Variants in LPIN3 observed in about 807,000 individuals in gnomAD.
The protein encoded by LPIN3 is phosphatidate phosphatase LPIN3.
Under a neutral mutation model 94.7 loss-of-function variants are expected in LPIN3, and 82 were observed. The ratio of observed to expected loss-of-function variants is 0.87; its 90% CI spans 0.72 to 1.04. LPIN3 has a LOEUF of 1.04. Among genes scored for constraint, LPIN3 ranks in the 50% least tolerant of loss-of-function variants. The pLI, the probability that LPIN3 is intolerant of heterozygous loss-of-function variation, is 0.00. For missense variants in LPIN3, 996 were observed against 1,090.5 expected, an observed-to-expected ratio of 0.91 and a Z score of 1.22; for synonymous variants, 418 against 443.3, an observed-to-expected ratio of 0.94 and a Z score of 0.72.
Position 41,358,238 on chromosome 20 carries a change from G to T in LPIN3, c.2194G>T (p.Glu732Ter). ...PSSLFSALHR[E>*]VIEKKPEVFK... ...CTGCTGTGGTTCTGGCCACCCCAGA[G>T]AGGTGATCGAGAAGAAACCAGAGGT... The change falls in exon 18 of 20, where the codon GAG becomes TAG. Residue 732 changes from glutamate to a stop codon, truncating the protein, a stop_gained and splice_region_variant. Transcript: ENST00000373257. LOFTEE classifies it high-confidence loss of function. 1.2e-6 allele frequency: 2 copies of T among 1,613,674 alleles called. No homozygotes were observed. Among genetic ancestry groups the T allele is most frequent in the Non-Finnish European group, 1.7e-6 (2 of 1,179,992 alleles).
rs1224256540 is a variant in LPIN3, at chr20:41,348,880, C to T, written c.550C>T (p.Pro184Ser). The T allele has an allele frequency of 6.2e-7, 1 of 1,603,478 alleles. No individual in the cohort carries two copies. Among genetic ancestry groups the T allele is most frequent in the East Asian group, 2.2e-5 (1 of 44,500 alleles). Residue 184 changes from proline to serine, a missense_variant, in exon 4 of 20, where the codon CCC (proline) becomes TCC (serine). By Grantham distance (74) the Pro-to-Ser change is moderately conservative. Transcript: ENST00000373257. ...LSLPEKLRPE[P>S]PGVQLEEKSS... ...CCTGCCGGAAAAGCTGAGGCCAGAG[C>T]CCCCAGGGTGTGTAAGGACCAAGGG... is the stretch of plus-strand genomic sequence containing the variant.
At chr20:41,352,962 T>C in intron 11 of LPIN3, 95 bp downstream of exon 11, 1 of 1,408,634 alleles carries the variant, frequency 7.1e-7, no homozygotes, top group Admixed American at 1.7e-5. Context: ...TGAGCAGAGA[T>C]GGGCCTGGGA....
At chr20:41,347,355 GC>G (rs1476249152) in intron 2 of LPIN3, among the ~76,000 whole-genome samples, 196 bp from the exon 3 acceptor site, 1 of 152,220 alleles carries the variant, frequency 6.6e-6, no homozygotes, top group East Asian at 1.9e-4. Context: ...CTCAGTGAAG[GC>G]CTCTCTGAGG....
intron 18 of LPIN3, 38 bp downstream of exon 18, chr20:41,358,389 C>T (rs779587591): frequency 6.2e-7 from 1 of 1,613,426 alleles, no homozygotes; most frequent in Non-Finnish European, 8.5e-7. Context: ...GCCACCTCTC[C>T]CCAGCTGCCT....
chr20:41,342,315 G>A (rs539421625), intron 1 of LPIN3, among the ~76,000 whole-genome samples: 9 of 152,288 alleles, frequency 5.9e-5, no homozygotes, highest in Non-Finnish European at 7.3e-5. Context: ...GTGGCCACCC[G>A]TGATCTGGGC....
At chr20:41,355,064 G>C (rs2046164664) in intron 13 of LPIN3, among the ~76,000 whole-genome samples, 1 of 152,050 alleles carries the variant, frequency 6.6e-6, no homozygotes, top group Non-Finnish European at 1.5e-5. Context: ...ACCCAGGCTG[G>C]AGTGCAGTGG....
chr20:41,351,147 G>A (rs1198958081), intron 7 of LPIN3, among the ~76,000 whole-genome samples: 1 of 151,788 alleles, frequency 6.6e-6, no homozygotes, highest in Admixed American at 6.6e-5. Context: ...CAACTACTGA[G>A]GAGGCTGAGG....
rs375364250 is a variant in LPIN3, at chr20:41,354,754, G to A, written c.1620+17G>A. On this transcript the variant is annotated intron_variant, in intron 12 of 19. Transcript: ENST00000373257. ...GCCGAGGAGGTGGGTGGTCACAGTC[G>A]AGGGCCAGGGCCAGGGCCAGCACAG... 3.4e-5 allele frequency: 54 copies of A among 1,608,194 alleles called. 1 individual carries two copies. The highest frequency in any genetic ancestry group is 3.4e-4 in the East Asian group (15 of 44,760).
Position 41,357,084 on chromosome 20 carries a change from C to A in LPIN3, c.1848C>A (p.Ser616Arg). 1.2e-6 allele frequency: 2 copies of A among 1,614,016 alleles called. No homozygotes were observed. The highest frequency in any genetic ancestry group is 2.2e-5 in the East Asian group (1 of 44,872). Residue 616 changes from serine (S) to arginine (R), a missense_variant, in exon 15 of 20, where the codon AGC (serine) becomes AGA (arginine). By Grantham distance (110) the Ser-to-Arg change is moderately radical. Transcript: ENST00000373257. ...LQEGANDVVFSVTTQYQGTCR... is the reference protein window; with the variant it reads ...LQEGANDVVFRVTTQYQGTCR... Reference sequence around the variant, plus strand: ...AAGGTGCCAATGATGTGGTCTTCAGCGTGACCACTCAGTACCAGGGCACCT... The same window carrying A: ...AAGGTGCCAATGATGTGGTCTTCAGAGTGACCACTCAGTACCAGGGCACCT...
At chr20:41,357,689 G>C (rs1045400690) in intron 16 of LPIN3, among the ~76,000 whole-genome samples, 193 bp from the exon 17 acceptor site, 26 of 152,240 alleles carry the variant, frequency 1.7e-4, no homozygotes, top group African/African-American at 6.0e-4. Flanking sequence ...TCTCCATCCT[G>C]GTCCACCCAG....
chr20:41,358,849 C>G lies in LPIN3; in HGVS notation c.2539C>G (p.Leu847Val), dbSNP rs780051788. Residue 847 changes from leucine (L) to valine (V), a missense_variant, in exon 20 of 20, where the codon CTT (leucine) becomes GTT (valine). Leu to Val is a conservative substitution (Grantham distance 32). Transcript: ENST00000373257. ...GCGGGAGCCACTGCCTGCTGTGGACCTTGATACCCTGGACTGAACCTGCCC... is the reference window on the plus strand; with the variant it reads ...GCGGGAGCCACTGCCTGCTGTGGACGTTGATACCCTGGACTGAACCTGCCC... ...YWREPLPAVDLDTLD is the reference protein window; with the variant it reads ...YWREPLPAVDVDTLD 1 of 1,614,072 alleles carries G rather than the reference C, an allele frequency of 6.2e-7. No homozygotes were observed. The highest frequency in any genetic ancestry group is 8.5e-7 in the Non-Finnish European group (1 of 1,179,994).
chr20:41,345,407 C>T (rs184916985), intron 1 of LPIN3, among the ~76,000 whole-genome samples: 70 of 152,342 alleles, frequency 4.6e-4, no homozygotes, highest in Non-Finnish European at 8.4e-4. Context: ...GGAATAATGA[C>T]ACCCGCTCAG....
rs375698336 is a variant in LPIN3, at chr20:41,351,939, C to G, written c.1202+19C>G. On this transcript the variant is annotated intron_variant, in intron 8 of 19. Transcript: ENST00000373257. ...CCCAAAGGTGCCTGGGTTCTGGATG[C>G]CAGGGTGTCTTGGGTCTGGGCTCCT... The G allele has an allele frequency of 5.6e-6, 9 of 1,613,792 alleles. No homozygotes were observed. In the African/African-American group the frequency reaches 1.2e-4, roughly 22 times the overall value.
intron 9 of LPIN3, 76 bp from the exon 10 acceptor site, chr20:41,352,530 G>A: frequency 1.6e-6 from 2 of 1,280,368 alleles, no homozygotes; most frequent in Non-Finnish European, 2.3e-6. Context: ...CAGCAGAGTG[G>A]GGAGCACCAG....
chr20:41,351,219 C>A (rs1179200792), intron 7 of LPIN3, among the ~76,000 whole-genome samples: 1 of 151,550 alleles, frequency 6.6e-6, no homozygotes, highest in Non-Finnish European at 1.5e-5. Context: ...TGCGATCACA[C>A]CACTGCACTC....
intron 7 of LPIN3, 50 bp downstream of exon 7, chr20:41,350,447 C>A: frequency 7.0e-7 from 1 of 1,427,274 alleles, no homozygotes; most frequent in South Asian, 1.4e-5. Flanking sequence ...CGCTCTGTCC[C>A]CTGGGTGGGT....
At chr20:41,347,917 T>C (rs1444874400) in intron 3 of LPIN3, among the ~76,000 whole-genome samples, 1 of 152,120 alleles carries the variant, frequency 6.6e-6, no homozygotes, top group Non-Finnish European at 1.5e-5. Flanking sequence ...GCTGGGCCCC[T>C]GTGGGATGAA....
chr20:41,353,678 G>C (rs2046106018), intron 11 of LPIN3, among the ~76,000 whole-genome samples: 1 of 152,190 alleles, frequency 6.6e-6, no homozygotes, highest in Non-Finnish European at 1.5e-5. Context: ...ATGGAGGATG[G>C]TGCCCTCCTG....
Position 41,350,373 on chromosome 20 carries a change from C to T in LPIN3, c.1078C>T (p.Pro360Ser). ...TLEVPVPTGQ[P>S]ERVSRGKGSP... is the part of the protein sequence containing the mutation. ...GGAGGTTCCAGTTCCCACCGGGCAG[C>T]CAGAGAGGGTCTCCAGGGGGAAAGG... The change falls in exon 7 of 20, where the codon CCA (proline) becomes TCA (serine). Residue 360 changes from proline to serine, a missense_variant. Physicochemically the swap from Pro to Ser is moderately conservative, Grantham distance 74 (BLOSUM62 -1). Coordinates refer to ENST00000373257, the MANE Select transcript of LPIN3 (RefSeq NM_022896.3). 1.3e-6 allele frequency: 2 copies of T among 1,578,226 alleles called. No homozygotes were observed. The highest frequency in any genetic ancestry group is 1.3e-5 in the African/African-American group (1 of 74,296).
Sources: gnomAD v4.1 joint callset for allele counts (sites outside exome capture counted in the v4.1 genomes callset) on GRCh38, gnomAD v4.1.1 for gene constraint, MANE v1.5 for transcripts, NCBI Gene and HGNC (gene_info 2026-07-23, HGNC 2026-07-21) for gene names.